Variants in SMG1 observed in about 807,000 individuals in gnomAD.
SMG1 encodes SMG1 nonsense mediated mRNA decay associated PI3K related kinase.
SMG1 carries 22 observed loss-of-function variants against 419.9 expected under a neutral mutation model. The observed-to-expected ratio is 0.05, with a 90% CI of 0.04 to 0.07. SMG1 has a LOEUF of 0.07. Among genes scored for constraint, SMG1 ranks in the 10% least tolerant of loss-of-function variants. SMG1 has a pLI of 1.00. For missense variants in SMG1, 3,185 were observed against 4,342.0 expected, an observed-to-expected ratio of 0.73 and a Z score of 7.49; for synonymous variants, 1,538 against 1,553.5, an observed-to-expected ratio of 0.99 and a Z score of 0.23.
At chr16:18,891,672 G>A (rs2036887502) in intron 4 of SMG1, among the ~76,000 whole-genome samples, 1 of 152,166 alleles carries the variant, frequency 6.6e-6, no homozygotes, top group South Asian at 2.1e-4. Flanking sequence ...GAACTCAGGT[G>A]ATCCGCCTGC....
At chr16:18,919,653 T>TACACAC (rs1171811465) in intron 1 of SMG1, among the ~76,000 whole-genome samples, 18 of 77,078 alleles carry the variant, frequency 2.3e-4, no homozygotes, top group African/African-American at 1.0e-3. Context: ...TGTGTGTGTA[T>TACACAC]ATATACACAC....
At chr16:18,832,889 TG>T (rs2033298437) in intron 51 of SMG1, 50 bp downstream of exon 51, 1 of 1,498,566 alleles carries the variant, frequency 6.7e-7, no homozygotes, top group African/African-American at 1.4e-5. Context: ...TCCCTTTCTC[TG>T]GCTGTCCCAT....
chr16:18,830,927 T>C (rs2033131539), intron 51 of SMG1, among the ~76,000 whole-genome samples: 1 of 152,246 alleles, frequency 6.6e-6, no homozygotes, highest in African/African-American at 2.4e-5. Context: ...ATCAGTCTCA[T>C]TTTTACACAC....
At chr16:18,923,027 A>G (rs1326757296) in intron 1 of SMG1, among the ~76,000 whole-genome samples, 1 of 152,148 alleles carries the variant, frequency 6.6e-6, no homozygotes, top group African/African-American at 2.4e-5. Flanking sequence ...GCAGTAAGCC[A>G]AGTATCTGTG....
rs1304050176 is a variant in SMG1, at chr16:18,868,538, T to C, written c.3015A>G (p.Leu1005=). 3.8e-6 allele frequency: 6 copies of C among 1,592,194 alleles called. No individual in the cohort carries two copies. Among genetic ancestry groups the C allele is most frequent in the Non-Finnish European group, 5.1e-6 (6 of 1,174,960 alleles). Residue 1005 remains leucine (L), a synonymous_variant, in exon 21 of 63, where the codon TTA becomes TTG. Transcript: ENST00000446231. ...YNAYEGCANA[L]TSPPKVIRTF... ...GGAAACCAACCTTGGGAGGTGAAGT[T>C]AATGCATTAGCACATCCCTCGTATG...
In SMG1 at chr16:18,841,694, A is replaced by G; in HGVS notation, c.6567T>C (p.His2189=). Residue 2189 remains histidine (H), a synonymous_variant, in exon 41 of 63, where the codon CAT becomes CAC. Transcript: ENST00000446231. ...GTGGTGTTACAGAATAGTGTCGAGC[A>G]TGGAACCGGGGTGTTTCTTGGCGAT... ...TINRQETPRF[H]ARHYSVTPLG... 8 of 1,614,012 alleles carry G rather than the reference A, an allele frequency of 5.0e-6. No individual in the cohort carries two copies. The highest frequency in any genetic ancestry group is 6.8e-6 in the Non-Finnish European group (8 of 1,179,894).
chr16:18,829,183 AGG>A, intron 54 of SMG1, 101 bp downstream of exon 54: 1 of 960,394 alleles, frequency 1.0e-6, no homozygotes, highest in Non-Finnish European at 1.5e-6. Context: ...CTGTGAGTTC[AGG>A]AAGTTTTAAA....
At chr16:18,845,766 C>A in intron 38 of SMG1, 115 bp from the exon 39 acceptor site, 1 of 692,612 alleles carries the variant, frequency 1.4e-6, no homozygotes, top group Non-Finnish European at 2.4e-6. Context: ...AGGAATAAGT[C>A]TAAATAAAGC....
rs1294819074 is a variant in SMG1 at position 18,850,590 on chromosome 16, G to GTGTTATAC, written c.5053-131_5053-124dup. 11 of 648,656 alleles carry GTGTTATAC rather than the reference G, an allele frequency of 1.7e-5. No homozygotes were observed. In the East Asian group the frequency reaches 3.0e-4, roughly 18 times the overall value. The allele number at this position is 648,656 out of a possible 1,614,324, so 40.2% of individuals were successfully genotyped here. On this transcript the variant is annotated intron_variant, in intron 33 of 62. Coordinates refer to ENST00000446231, the MANE Select transcript of SMG1 (RefSeq NM_015092.5). The stretch of plus-strand genomic sequence containing the variant: ...AAAAGATAAAATTATCCCACATTTA[G>GTGTTATAC]TGTTATACACAGTAAGTCAATGTCA...
intron 31 of SMG1, 80 bp downstream of exon 31, chr16:18,853,503 A>G (rs2034715557): frequency 8.3e-7 from 1 of 1,199,018 alleles, no homozygotes; most frequent in Non-Finnish European, 1.1e-6. Context: ...AATTATAGCC[A>G]GCATAACATT....
intron 49 of SMG1, 83 bp downstream of exon 49, chr16:18,834,808 AC>A (rs1470962729): frequency 4.2e-6 from 6 of 1,435,442 alleles, no homozygotes; most frequent in Non-Finnish European, 5.7e-6. Context: ...ACTTGGCAAG[AC>A]TAAGGAAAGT....
chr16:18,925,989 C>T lies in SMG1; in HGVS notation c.53G>A (p.Gly18Asp). ...ATTCCAGCTCCGCGGATACTTGGTGCCGCCGCCGCCGCCGCCGCTGCTCAG... is the reference window on the plus strand; with the variant it reads ...ATTCCAGCTCCGCGGATACTTGGTGTCGCCGCCGCCGCCGCCGCTGCTCAG... The part of the protein sequence containing the change: ...SRLSSGGGGG[G>D]TKYPRSWNDW... The change falls in exon 1 of 63, where the codon GGC becomes GAC. Residue 18 changes from glycine (G) to aspartate (D), a missense_variant. Physicochemically the swap from Gly to Asp is moderately conservative, Grantham distance 94. Transcript: ENST00000446231. The T allele has an allele frequency of 2.0e-6, 3 of 1,503,264 alleles. No homozygotes were observed. 93.1% of individuals were successfully genotyped at this position (1,503,264 alleles called of 1,614,324 possible).
chr16:18,909,115 G>A (rs1162154459), intron 1 of SMG1, among the ~76,000 whole-genome samples: 3 of 150,940 alleles, frequency 2.0e-5, no homozygotes, highest in Non-Finnish European at 4.4e-5. Context: ...GGCCGAGGCA[G>A]GTGGATCACT....
rs1458682822 is a variant in SMG1, at chr16:18,805,086, T to C, written c.*4483A>G. ...GTACAGAAAAGCCACTATTTATACA[T>C]TGTTACTAAGACAAGGAAGATTCAG... On this transcript the variant is annotated 3_prime_UTR_variant, in exon 63 of 63. Coordinates refer to ENST00000446231, the MANE Select transcript of SMG1 (RefSeq NM_015092.5). 4 of 152,778 alleles carry C rather than the reference T, an allele frequency of 2.6e-5. No individual in the cohort carries two copies. In the East Asian group the frequency reaches 5.8e-4, roughly 22 times the overall value. The allele number at this position is 152,778 out of a possible 1,614,324, so 9.5% of individuals were successfully genotyped here. A position where few individuals can be genotyped will look rare whatever the true frequency, so the allele number is the denominator to read the frequency against.
At chr16:18,907,715 G>C (rs2037620266) in intron 1 of SMG1, among the ~76,000 whole-genome samples, 1 of 151,734 alleles carries the variant, frequency 6.6e-6, no homozygotes, top group African/African-American at 2.4e-5. Context: ...GCCAGGCCTG[G>C]TGGTGCAGCG....
Position 18,833,054 on chromosome 16 carries a change from T to C in SMG1, c.8678A>G (p.Gln2893Arg). The C allele has an allele frequency of 6.2e-7, 1 of 1,613,988 alleles. No homozygotes were observed. Among genetic ancestry groups the C allele is most frequent in the Non-Finnish European group, 8.5e-7 (1 of 1,179,884 alleles). ...CTGCAGGGGAACGCCATCGGTGGTC[T>C]GCTCAATAAGACCGTCCAGTTCATG... ...MLHELDGLIE[Q>R]TTDGVPLQTL... Residue 2893 changes from glutamine to arginine, a missense_variant, in exon 51 of 63, where the codon CAG becomes CGG. By Grantham distance (43) the Gln-to-Arg change is conservative (BLOSUM62 1). This residue lies in a region of SMG1 where 737 missense variants were observed against 846.6 expected (regional missense o/e 0.87). Coordinates refer to ENST00000446231, the MANE Select transcript of SMG1 (RefSeq NM_015092.5).
In SMG1 at chr16:18,853,882, A is replaced by C; in HGVS notation, c.4484-15T>G. ...TGTTGACTGGCCTACAGAAAACCAC[A>C]AAGTCAGAACTTAGAACCTTTAAAA... On this transcript the variant is annotated splice_polypyrimidine_tract_variant and intron_variant, in intron 30 of 62. Coordinates refer to ENST00000446231, the MANE Select transcript of SMG1 (RefSeq NM_015092.5). 6.3e-7 allele frequency: 1 copy of C among 1,596,326 alleles called. No homozygotes were observed. The highest frequency in any genetic ancestry group is 1.1e-5 in the South Asian group (1 of 88,502).
intron 46 of SMG1, among the ~76,000 whole-genome samples, 171 bp downstream of exon 46, chr16:18,837,082 G>A (rs1339090833): frequency 6.6e-6 from 1 of 152,102 alleles, no homozygotes; most frequent in Non-Finnish European, 1.5e-5. Flanking sequence ...AATAAAAGCA[G>A]ACAATTTCAG....
chr16:18,919,669 C>T lies in SMG1; in HGVS notation c.92+6281G>A, dbSNP rs1455387710. Among the ~76,000 whole-genome samples the T allele has an allele frequency of 3.3e-3, 320 of 97,074 alleles. 3 individuals are homozygous for T. The highest frequency in any genetic ancestry group is 6.8e-3 in the African/African-American group (151 of 22,320). 63.7% of individuals were successfully genotyped at this position (97,074 alleles called of 152,430 possible). A position where few individuals can be genotyped will look rare whatever the true frequency, so the allele number is the denominator to read the frequency against. The stretch of plus-strand genomic sequence containing the variant: ...GTGTGTGTATATATACACACACACA[C>T]ACACACACACACACACACACACACA... On this transcript the variant is annotated intron_variant, in intron 1 of 62. Transcript: ENST00000446231.
Sources: gnomAD v4.1 joint callset for allele counts (sites outside exome capture counted in the v4.1 genomes callset) on GRCh38, gnomAD v4.1.1 for gene constraint, gnomAD v4.1.1 regional missense constraint, MANE v1.5 for transcripts, NCBI Gene and HGNC (gene_info 2026-07-23, HGNC 2026-07-21) for gene names.